Variants in TTN observed in about 807,000 individuals in gnomAD.
The protein encoded by TTN is connectin.
TTN carries 1,525 observed loss-of-function variants against 3,223.0 expected under a neutral mutation model. The observed-to-expected ratio is 0.47, with a 90% CI of 0.45 to 0.49. The LOEUF is 0.49. Ranked by LOEUF, TTN falls within the 20% of genes least tolerant of loss-of-function variation. The pLI, the probability that TTN is intolerant of heterozygous loss-of-function variation, is 0.00. For missense variants in TTN, 40,786 were observed against 43,424.0 expected, an observed-to-expected ratio of 0.94 and a Z score of 5.40; for synonymous variants, 14,094 against 15,161.0, an observed-to-expected ratio of 0.93 and a Z score of 5.17.
rs751062759 is a variant in TTN at position 178,601,648 on chromosome 2, T to C, written c.55432+10A>G. ...TTTTATTCTGTAGCAACTTTCAAAG[T>C]CTTTCTTACCCATGACTTTAACTCT... On this transcript the variant is annotated intron_variant, in intron 286 of 362. Transcript: ENST00000589042. 3.7e-5 allele frequency: 58 copies of C among 1,586,350 alleles called. 1 individual carries two copies. The South Asian group carries it at 6.6e-4, about 18-fold the overall frequency.
At chr2:178,659,506 A>C (rs2154255316) in intron 180 of TTN, among the ~76,000 whole-genome samples, 1 of 149,794 alleles carries the variant, frequency 6.7e-6, no homozygotes, top group East Asian at 2.0e-4. Flanking sequence ...CTTCATGCTA[A>C]AGACTCTCAA....
intron 15 of TTN, 72 bp from the exon 16 acceptor site, chr2:178,784,423 C>T: frequency 6.3e-7 from 1 of 1,575,562 alleles, no homozygotes; most frequent in South Asian, 1.1e-5. Context: ...TGGACTGAGT[C>T]TGAGCCTATT....
Position 178,738,170 on chromosome 2 carries a change from T to C in TTN, c.14283A>G (p.Arg4761=). The C allele has an allele frequency of 1.2e-6, 2 of 1,613,752 alleles. No individual in the cohort carries two copies. The highest frequency in any genetic ancestry group is 8.5e-7 in the Non-Finnish European group (1 of 1,179,768). Residue 4761 remains arginine, a synonymous_variant, in exon 49 of 363, where the codon AGA becomes AGG. Coordinates refer to ENST00000589042, the MANE Select transcript of TTN (RefSeq NM_001267550.2). The part of the protein sequence containing the change: ...SKYISSLEIL[R]TQVVDCGEYT... ...ACTCGCCGCAGTCAACCACCTGGGTTCTCAGGATTTCAAGGCTGGAGATAT... is the reference window on the plus strand; with the variant it reads ...ACTCGCCGCAGTCAACCACCTGGGTCCTCAGGATTTCAAGGCTGGAGATAT...
At position 178,751,384 on chromosome 2, in the gene TTN, A is replaced by T. The variant is rs762962308; in HGVS notation, c.11311+1740T>A. The T allele has an allele frequency of 2.5e-6, 4 of 1,607,084 alleles. No individual in the cohort carries two copies. The South Asian group carries it at 4.5e-5, about 18-fold the overall frequency. The stretch of plus-strand genomic sequence containing the variant: ...ATTTACTTTCTAAATATTCTTCATC[A>T]TACATGTAATCTGTTTTCTTGGCAG... On this transcript the variant is annotated intron_variant, in intron 47 of 362. Transcript: ENST00000589042.
intron 47 of TTN, 91 bp downstream of exon 47, chr2:178,753,033 T>G: frequency 9.8e-7 from 1 of 1,015,662 alleles, no homozygotes. Context: ...GTCATTTTTT[T>G]CTCAATAATA....
At position 178,567,197 on chromosome 2, in the gene TTN, A is replaced by G; in HGVS notation, c.78935T>C (p.Leu26312Pro). ...EKCSLTWSPP[L>P]QDGGSDISHY... ...AGAAATGTCACTGCCACCATCTTGA[A>G]GTGGTGGAGACCATGTTAAAGAGCA... Residue 26312 changes from leucine to proline, a missense_variant, in exon 326 of 363, where the codon CTT (leucine) becomes CCT (proline). Leu to Pro is a moderately conservative substitution (Grantham distance 98). Coordinates refer to ENST00000589042, the MANE Select transcript of TTN (RefSeq NM_001267550.2). 2.5e-6 allele frequency: 4 copies of G among 1,612,876 alleles called. No homozygotes were observed. Among genetic ancestry groups the G allele is most frequent in the Non-Finnish European group, 3.4e-6 (4 of 1,179,234 alleles).
intron 242 of TTN, among the ~76,000 whole-genome samples, chr2:178,624,199 G>A (rs914663967): frequency 6.6e-6 from 1 of 151,972 alleles, no homozygotes; most frequent in Admixed American, 6.6e-5. Flanking sequence ...TAGACAAAGA[G>A]CACATCTACT....
chr2:178,669,652 C>T lies in TTN; in HGVS notation c.35410G>A (p.Val11804Ile), dbSNP rs1349139280. 37 of 1,612,186 alleles carry T rather than the reference C, an allele frequency of 2.3e-5. No individual in the cohort carries two copies. The highest frequency in any genetic ancestry group is 3.1e-5 in the Non-Finnish European group (37 of 1,179,594). Residue 11804 changes from valine (V) to isoleucine (I), a missense_variant, in exon 158 of 363, where the codon GTC becomes ATC. Val to Ile is a conservative substitution (Grantham distance 29). Coordinates refer to ENST00000589042, the MANE Select transcript of TTN (RefSeq NM_001267550.2). ...GCTTCACGAACTTTTTCTTCTGGGA[C>T]AATTTTCTTGGGTACTTCGGGTGCT... ...TKAPEVPKKI[V>I]PEEKVREAVL...
rs183204964 is a variant in TTN, at chr2:178,711,303, T to C, written c.27933A>G (p.Gln9311=). The C allele has an allele frequency of 1.2e-6, 2 of 1,613,100 alleles. No individual in the cohort carries two copies. The highest frequency in any genetic ancestry group is 1.7e-5 in the Admixed American group (1 of 59,958). Residue 9311 remains glutamine, a synonymous_variant, in exon 97 of 363, where the codon CAA becomes CAG. Transcript: ENST00000589042. ...PSFSRQLRDV[Q]ETVGLPVVFD... Reference sequence around the variant, plus strand: ...AAACAACTGGCAGTCCAACTGTTTCTTGAACATCTCTCAATTGTCGAGAAA... The same window carrying C: ...AAACAACTGGCAGTCCAACTGTTTCCTGAACATCTCTCAATTGTCGAGAAA...
chr2:178,679,010 A>C (rs1009593665), intron 142 of TTN, among the ~76,000 whole-genome samples, 180 bp from the exon 143 acceptor site: 1 of 152,014 alleles, frequency 6.6e-6, no homozygotes, highest in African/African-American at 2.4e-5. Flanking sequence ...AAAATAAAAA[A>C]CACCGAAAAA....
rs1348616703 is a variant in TTN, at chr2:178,579,094, T to C, written c.67936A>G (p.Ile22646Val). 1 of 1,613,380 alleles carries C rather than the reference T, an allele frequency of 6.2e-7. No homozygotes were observed. Among genetic ancestry groups the C allele is most frequent in the East Asian group, 2.2e-5 (1 of 44,726 alleles). Residue 22646 changes from isoleucine to valine, a missense_variant, in exon 320 of 363, where the codon ATC becomes GTC. Ile to Val is a conservative substitution (Grantham distance 29, BLOSUM62 3). Coordinates refer to ENST00000589042, the MANE Select transcript of TTN (RefSeq NM_001267550.2). The part of the protein sequence containing the change: ...ISIKVVGKPG[I>V]PTGPIKFDEV... ...TCAAATTTGATTGGTCCAGTGGGGATGCCAGGCTTGCCAACAACCTTTATG... is the reference window on the plus strand; with the variant it reads ...TCAAATTTGATTGGTCCAGTGGGGACGCCAGGCTTGCCAACAACCTTTATG...
At chr2:178,695,132 G>A (rs1254345375) in intron 115 of TTN, among the ~76,000 whole-genome samples, 1 of 150,632 alleles carries the variant, frequency 6.6e-6, no homozygotes, top group African/African-American at 2.4e-5. Context: ...ACATATTTTG[G>A]TTATATTTAA....
intron 138 of TTN, among the ~76,000 whole-genome samples, chr2:178,680,742 A>G (rs2069180180): frequency 6.6e-6 from 1 of 152,120 alleles, no homozygotes; most frequent in African/African-American, 2.4e-5. Flanking sequence ...AACAGTTACC[A>G]AAGCTTGGTG....
chr2:178,630,162 T>C lies in TTN; in HGVS notation c.44281+79A>G. 3.8e-6 allele frequency: 6 copies of C among 1,583,130 alleles called. No homozygotes were observed. In the South Asian group the frequency reaches 5.7e-5, roughly 15 times the overall value. Reference sequence around the variant, plus strand: ...TAATAATATTTTCTAACTAATAAAATAGGTCCAATTAATTTCACTCACATT... The same window carrying C: ...TAATAATATTTTCTAACTAATAAAACAGGTCCAATTAATTTCACTCACATT... On this transcript the variant is annotated intron_variant, in intron 239 of 362. Coordinates refer to ENST00000589042, the MANE Select transcript of TTN (RefSeq NM_001267550.2).
In TTN at chr2:178,731,976, A is replaced by G. The variant is rs745656932; in HGVS notation, c.16904-5T>C. The stretch of plus-strand genomic sequence containing the variant: ...CCTTGGTAAAATAAGGTGACTCTAC[A>G]GTAAAAAAGGAATGATTTGCATTAA... On this transcript the variant is annotated splice_region_variant and splice_polypyrimidine_tract_variant and intron_variant, in intron 57 of 362. Transcript: ENST00000589042. The G allele has an allele frequency of 1.2e-6, 2 of 1,600,626 alleles. No individual in the cohort carries two copies. The highest frequency in any genetic ancestry group is 1.7e-6 in the Non-Finnish European group (2 of 1,171,122).
chr2:178,675,904 C>T lies in TTN; in HGVS notation c.34453+17G>A, dbSNP rs745707373. 5 of 1,602,604 alleles carry T rather than the reference C, an allele frequency of 3.1e-6. No individual in the cohort carries two copies. The South Asian group carries it at 4.5e-5, about 14-fold the overall frequency. On this transcript the variant is annotated intron_variant, in intron 148 of 362. Coordinates refer to ENST00000589042, the MANE Select transcript of TTN (RefSeq NM_001267550.2). ...GAAGGAAATGGCATAGTCTAATTTA[C>T]TTCGGAATAGCAATACCTTTGGCAG...
chr2:178,782,844 G>T lies in TTN; in HGVS notation c.3062C>A (p.Ala1021Asp). 6.2e-7 allele frequency: 1 copy of T among 1,613,720 alleles called. No homozygotes were observed. The highest frequency in any genetic ancestry group is 8.5e-7 in the Non-Finnish European group (1 of 1,179,910). ...GRFTCSAVNE[A>D]GTVSTSCYLA... ...ATAGCAGGATGTGCTGACGGTTCCA[G>T]CCTCATTTACAGCACTGCAAGTAAA... Residue 1021 changes from alanine to aspartate, a missense_variant, in exon 18 of 363, where the codon GCT becomes GAT. Ala to Asp is a moderately radical substitution (Grantham distance 126). Transcript: ENST00000589042.
At chr2:178,648,876 C>T (rs983339133) in intron 213 of TTN, among the ~76,000 whole-genome samples, 6 of 152,110 alleles carry the variant, frequency 3.9e-5, no homozygotes, top group Admixed American at 1.3e-4. Flanking sequence ...TATTAGAGTC[C>T]TGTTATCTTT....
chr2:178,706,322 T>C (rs2075859018), intron 102 of TTN, 132 bp downstream of exon 102: 2 of 912,060 alleles, frequency 2.2e-6, no homozygotes, highest in Non-Finnish European at 3.2e-6. Context: ...ATGGTTGTTA[T>C]GCTGTATTGT....
Sources: allele counts gnomAD v4.1 joint callset (sites outside exome capture counted in the v4.1 genomes callset), GRCh38; gene constraint gnomAD v4.1.1; transcripts MANE v1.5; gene names NCBI Gene and HGNC (gene_info 2026-07-23, HGNC 2026-07-21).